TGFB1: variants seen among roughly 807,000 people sequenced by gnomAD.
TGFB1 encodes transforming growth factor beta-1 proprotein.
A neutral mutation model predicts 43.8 loss-of-function variants in TGFB1; 19 were observed. That is an observed-to-expected ratio of 0.43 (90% CI 0.30 to 0.64). The LOEUF (loss-of-function observed/expected upper bound fraction) is 0.64. Ranked by LOEUF, TGFB1 falls within the 30% of genes least tolerant of loss-of-function variation. TGFB1 has a pLI of 0.11. For synonymous variants in TGFB1, 221 were observed against 236.3 expected (o/e 0.94, Z 0.60); for missense variants, 445 against 529.8 (o/e 0.84, Z 1.57).
At position 41,344,778 on chromosome 19, in the gene TGFB1, G is replaced by A. The variant is rs772607764; in HGVS notation, c.603C>T (p.Thr201=). Residue 201 remains threonine, a synonymous_variant, in exon 3 of 7, where the codon ACC becomes ACT. Coordinates refer to ENST00000221930, the MANE Select transcript of TGFB1 (RefSeq NM_000660.7). ...DSPEWLSFDV[T]GVVRQWLSRG... The stretch of plus-strand genomic sequence containing the variant: ...GGCTCAACCACTGCCGCACAACTCC[G>A]GTGACATCAAAAGATAACCACTCTG... The A allele has an allele frequency of 9.9e-6, 16 of 1,613,802 alleles. No homozygotes were observed. In the East Asian group the frequency reaches 1.1e-4, roughly 11 times the overall value.
intron 5 of TGFB1, among the ~76,000 whole-genome samples, chr19:41,332,767 G>GCC: frequency 6.6e-6 from 1 of 152,188 alleles, no homozygotes; most frequent in Non-Finnish European, 1.5e-5. Flanking sequence ...ACTTTGGGAG[G>GCC]ATGAAGTGGG....
intron 2 of TGFB1, among the ~76,000 whole-genome samples, chr19:41,346,708 T>C (rs1030829556): frequency 3.3e-5 from 5 of 152,044 alleles, no homozygotes; most frequent in African/African-American, 1.2e-4. Flanking sequence ...ATATGGCCAG[T>C]GAGAATGAGG....
intron 5 of TGFB1, among the ~76,000 whole-genome samples, chr19:41,340,548 T>C (rs1162196775): frequency 6.6e-6 from 1 of 152,204 alleles, no homozygotes; most frequent in Admixed American, 6.6e-5. Context: ...CCCAAAGTGC[T>C]GGAATTATAG....
Position 41,330,993 on chromosome 19 carries a change from G to T in TGFB1, c.*59C>A. 1 of 1,420,372 alleles carries T rather than the reference G, an allele frequency of 7.0e-7. No homozygotes were observed. Among genetic ancestry groups the T allele is most frequent in the Non-Finnish European group, 9.3e-7 (1 of 1,079,552 alleles). The allele number at this position is 1,420,372 out of a possible 1,614,324, so 88.0% of individuals were successfully genotyped here. A position where few individuals can be genotyped will look rare whatever the true frequency, so the allele number is the denominator to read the frequency against. On this transcript the variant is annotated 3_prime_UTR_variant, in exon 7 of 7. Transcript: ENST00000221930. The stretch of plus-strand genomic sequence containing the variant: ...AAATACAGCCCCCATGGGCAAGGCA[G>T]CGGGGGCGGGGCGGGGTGGGGCCGG...
At chr19:41,333,209 ATTTTTTT>A (rs1161079448) in intron 5 of TGFB1, among the ~76,000 whole-genome samples, 2 of 86,400 alleles carry the variant, frequency 2.3e-5, no homozygotes, top group Non-Finnish European at 4.2e-5. Context: ...TTTTTTTTCT[ATTTTTTT>A]TTTTTTTTTT....
intron 1 of TGFB1, among the ~76,000 whole-genome samples, chr19:41,351,804 T>TGGGGGGGATCGCTGCTC (rs61023216): frequency 2.6e-5 from 4 of 151,532 alleles, no homozygotes; most frequent in African/African-American, 9.7e-5. Context: ...CTGCGGGGAA[T>TGGGGGGGATCGCTGCTC]GCAGCGTGGA....
At chr19:41,338,737 G>C (rs1265119792) in intron 5 of TGFB1, among the ~76,000 whole-genome samples, 1 of 151,356 alleles carries the variant, frequency 6.6e-6, no homozygotes, top group Non-Finnish European at 1.5e-5. Flanking sequence ...TACTCGGGAG[G>C]CTGAAGCAAG....
chr19:41,334,178 C>T (rs968177465), intron 5 of TGFB1, among the ~76,000 whole-genome samples: 1 of 151,544 alleles, frequency 6.6e-6, no homozygotes, highest in African/African-American at 2.4e-5. Flanking sequence ...AGATTGAGAC[C>T]AGCCTGACCA....
chr19:41,337,592 T>C (rs147489543), intron 5 of TGFB1, among the ~76,000 whole-genome samples: 2 of 152,100 alleles, frequency 1.3e-5, no homozygotes, highest in Non-Finnish European at 1.5e-5. Context: ...TAGGACTTTT[T>C]TCAAAATCTA....
intron 2 of TGFB1, 66 bp downstream of exon 2, chr19:41,348,228 AC>A (rs2038139604): frequency 6.3e-7 from 1 of 1,589,794 alleles, no homozygotes. Flanking sequence ...ACCCACAGCC[AC>A]CCCCTTGGTC....
At chr19:41,332,041 TC>T in intron 6 of TGFB1, 86 bp downstream of exon 6, 1 of 1,372,846 alleles carries the variant, frequency 7.3e-7, no homozygotes. Flanking sequence ...CCAACTCACC[TC>T]TCTGACTTTA....
chr19:41,342,829 T>C (rs564206994), intron 3 of TGFB1, among the ~76,000 whole-genome samples: 21 of 152,236 alleles, frequency 1.4e-4, no homozygotes, highest in Admixed American at 3.9e-4. Context: ...ACGGCTACTT[T>C]TTAAATTCTC....
chr19:41,344,230 C>T (rs2038090839), intron 3 of TGFB1, among the ~76,000 whole-genome samples: 1 of 152,068 alleles, frequency 6.6e-6, no homozygotes, highest in Non-Finnish European at 1.5e-5. Flanking sequence ...AGTGATCCAT[C>T]CTCCTTGGCC....
At chr19:41,340,251 CTTTTTTTT>C (rs3061188) in intron 5 of TGFB1, among the ~76,000 whole-genome samples, 54,456 of 125,098 alleles carry the variant, frequency 0.44, 12,122 homozygotes, top group East Asian at 0.7. Context: ...CACTTTCTTT[CTTTTTTTT>C]TTTTTTTTTT....
At chr19:41,347,931 AG>A (rs929144749) in intron 2 of TGFB1, among the ~76,000 whole-genome samples, 1 of 151,636 alleles carries the variant, frequency 6.6e-6, no homozygotes, top group Non-Finnish European at 1.5e-5. Context: ...CAGGAGATCG[AG>A]ACCATCCTGG....
chr19:41,330,928 T>C lies in TGFB1; in HGVS notation c.*124A>G. ...GAGATCCGCAGTCCTCTCTCCATCT[T>C]TAATGGGGCCCCAGGTGGGCTTGGG... On this transcript the variant is annotated 3_prime_UTR_variant, in exon 7 of 7. Transcript: ENST00000221930. 1.1e-6 allele frequency: 1 copy of C among 870,120 alleles called. No individual in the cohort carries two copies. The highest frequency in any genetic ancestry group is 1.6e-6 in the Non-Finnish European group (1 of 606,242). The allele number at this position is 870,120 out of a possible 1,614,324, so 53.9% of individuals were successfully genotyped here.
At chr19:41,349,309 C>A (rs983560311) in intron 1 of TGFB1, among the ~76,000 whole-genome samples, 1 of 152,186 alleles carries the variant, frequency 6.6e-6, no homozygotes, top group African/African-American at 2.4e-5. Context: ...CGCTGTGTAA[C>A]CTTGGGCAAG....
intron 5 of TGFB1, among the ~76,000 whole-genome samples, chr19:41,341,375 G>A (rs898977564): frequency 6.1e-5 from 9 of 148,246 alleles, no homozygotes; most frequent in Middle Eastern, 3.2e-3. Context: ...GCTGAGACAG[G>A]AGAATCGTGT....
At chr19:41,339,518 G>A (rs1021917293) in intron 5 of TGFB1, among the ~76,000 whole-genome samples, 1 of 151,664 alleles carries the variant, frequency 6.6e-6, no homozygotes, top group Admixed American at 6.6e-5. Context: ...GTCAGGAGCT[G>A]TTGGCACTCA....
Sources: allele counts gnomAD v4.1 joint callset (sites outside exome capture counted in the v4.1 genomes callset), GRCh38; gene constraint gnomAD v4.1.1; transcripts MANE v1.5; gene names NCBI Gene and HGNC (gene_info 2026-07-23, HGNC 2026-07-21).